ARFGAP2: variants seen among roughly 807,000 people sequenced by gnomAD.
The protein encoded by ARFGAP2 is ADP-ribosylation factor GTPase-activating protein 2.
A neutral mutation model predicts 71.9 loss-of-function variants in ARFGAP2; 45 were observed. That is an observed-to-expected ratio of 0.63 (90% confidence interval 0.49 to 0.80). The LOEUF (loss-of-function observed/expected upper bound fraction) is 0.80. Ranked by LOEUF, ARFGAP2 falls within the 30% of genes least tolerant of loss-of-function variation. The pLI, the probability that ARFGAP2 is intolerant of heterozygous loss-of-function variation, is 0.00. For missense variants in ARFGAP2, 633 were observed against 673.9 expected, an observed-to-expected ratio of 0.94 and a Z score of 0.67; for synonymous variants, 248 against 249.2, an observed-to-expected ratio of 1.00 and a Z score of 0.05.
At chr11:47,168,613 C>T (rs978046001) in intron 10 of ARFGAP2, 3 of 193,506 alleles carry the variant, frequency 1.6e-5, no homozygotes, top group Admixed American at 1.1e-4. Context: ...CACCACCTCC[C>T]AGGTTCAAGC....
rs2135415259 is a variant in ARFGAP2, at chr11:47,164,774, T to C, written c.*708A>G. On this transcript the variant is annotated 3_prime_UTR_variant, in exon 16 of 16. Coordinates refer to ENST00000524782, the MANE Select transcript of ARFGAP2 (RefSeq NM_032389.6). The stretch of plus-strand genomic sequence containing the variant: ...AGAGGGTCCTGCATTCCACAGCAGA[T>C]GGTACAGAGGGACCCTGAGACACCC... The C allele has an allele frequency of 6.5e-6, 1 of 153,378 alleles. No individual in the cohort carries two copies. The highest frequency in any genetic ancestry group is 6.5e-5 in the Admixed American group (1 of 15,404). 9.5% of individuals were successfully genotyped at this position (153,378 alleles called of 1,614,324 possible).
chr11:47,167,392 C>T (rs1038296012), intron 12 of ARFGAP2, among the ~76,000 whole-genome samples: 10 of 152,262 alleles, frequency 6.6e-5, no homozygotes, highest in South Asian at 2.1e-4. Context: ...TCCGGAGACC[C>T]TATGAAGTAG....
chr11:47,172,789 A>AC, intron 7 of ARFGAP2: 1 of 1,290,586 alleles, frequency 7.7e-7, no homozygotes, highest in Non-Finnish European at 1.0e-6. Context: ...CAAGAGGCCC[A>AC]CCCCAGAGCC....
At position 47,172,735 on chromosome 11, in the gene ARFGAP2, T is replaced by C. The variant is rs76966935; in HGVS notation, c.620-402A>G. 0.01 allele frequency: 13,061 copies of C among 1,295,768 alleles called. 1,211 individuals carry two copies. In the Admixed American group the frequency reaches 0.19, roughly 18 times the overall value. The allele number at this position is 1,295,768 out of a possible 1,614,324, so 80.3% of individuals were successfully genotyped here. On this transcript the variant is annotated intron_variant, in intron 7 of 15. Transcript: ENST00000524782. ...CTCTGGCAGGAAGGGCCCCTTTAGC[T>C]GACAGATACACGGACTCTGGAGGAG... is the stretch of plus-strand genomic sequence containing the variant.
rs557366591 is a variant in ARFGAP2 at position 47,168,176 on chromosome 11, G to A, written c.1017C>T (p.Arg339=). The part of the protein sequence containing the change: ...QETPVSAKSS[R]SQLDLFDDVG... ...CATCGTCAAACAAGTCCAGCTGCGAGCGAGAGGATTTTGCACTCACTGGGG... is the reference window on the plus strand; with the variant it reads ...CATCGTCAAACAAGTCCAGCTGCGAACGAGAGGATTTTGCACTCACTGGGG... Residue 339 remains arginine (R), a synonymous_variant, in exon 11 of 16, where the codon CGC becomes CGT. Transcript: ENST00000524782. 5 of 1,614,234 alleles carry A rather than the reference G, an allele frequency of 3.1e-6. No individual in the cohort carries two copies. In the African/African-American group the frequency reaches 4.0e-5, roughly 13 times the overall value.
chr11:47,172,179 T>C, intron 8 of ARFGAP2, 102 bp downstream of exon 8: 1 of 1,201,936 alleles, frequency 8.3e-7, no homozygotes, highest in Non-Finnish European at 1.2e-6. Context: ...ACAGTACCTT[T>C]GCCAAAGTCA....
At position 47,171,485 on chromosome 11, in the gene ARFGAP2, A is replaced by G; in HGVS notation, c.882T>C (p.Asn294=). The change falls in exon 10 of 16, where the codon AAT becomes AAC. Residue 294 remains asparagine, a synonymous_variant. Coordinates refer to ENST00000524782, the MANE Select transcript of ARFGAP2 (RefSeq NM_032389.6). ...CCTGCTCTCGCTTCTTCCCTTCCAG[A>G]TTCTGTAGCTTCTTTTCCTCTTTCT... The part of the protein sequence containing the change: ...DRKKEEKKLQ[N]LEGKKREQAE... The G allele has an allele frequency of 6.2e-7, 1 of 1,614,102 alleles. No individual in the cohort carries two copies. The highest frequency in any genetic ancestry group is 8.5e-7 in the Non-Finnish European group (1 of 1,180,008).
chr11:47,176,009 C>A, intron 2 of ARFGAP2, 86 bp from the exon 3 acceptor site: 1 of 1,351,218 alleles, frequency 7.4e-7, no homozygotes, highest in Non-Finnish European at 1.0e-6. Flanking sequence ...TGGCCTCAGG[C>A]TGCTGTAGGC....
chr11:47,174,839 A>G lies in ARFGAP2; in HGVS notation c.480+176T>C, dbSNP rs1952735635. The G allele has an allele frequency of 6.1e-5, 43 of 701,202 alleles. 1 individual carries two copies. The South Asian group carries it at 7.5e-4, about 12-fold the overall frequency. The allele number at this position is 701,202 out of a possible 1,614,324, so 43.4% of individuals were successfully genotyped here. On this transcript the variant is annotated intron_variant, in intron 5 of 15. Coordinates refer to ENST00000524782, the MANE Select transcript of ARFGAP2 (RefSeq NM_032389.6). ...CTAAGGAGGGCTACACTGCACCTCCATTTATGGAGGAGGAAACACCTAGGC... is the reference window on the plus strand; with the variant it reads ...CTAAGGAGGGCTACACTGCACCTCCGTTTATGGAGGAGGAAACACCTAGGC...
intron 1 of ARFGAP2, 58 bp from the exon 2 acceptor site, chr11:47,176,692 G>A (rs1952844935): frequency 1.2e-6 from 2 of 1,610,132 alleles, no homozygotes. Flanking sequence ...GCCAGGCACC[G>A]ACACCCCAGA....
At chr11:47,172,161 G>T in intron 8 of ARFGAP2, 120 bp downstream of exon 8, 2 of 1,033,956 alleles carry the variant, frequency 1.9e-6, no homozygotes, top group Non-Finnish European at 2.9e-6. Flanking sequence ...GGCGAGGTTC[G>T]GAGAAACACA....
chr11:47,171,834 T>A, intron 8 of ARFGAP2, 34 bp from the exon 9 acceptor site: 1 of 1,609,992 alleles, frequency 6.2e-7, no homozygotes. Flanking sequence ...GCCTTCCCAA[T>A]CACACTCTCC....
In ARFGAP2 at chr11:47,171,406, C is replaced by T; in HGVS notation, c.941+20G>A. The stretch of plus-strand genomic sequence containing the variant: ...AGAAAACAACGGCATTTCCCTGCCA[C>T]ACCCGGAGCTGAGCCTCACCTTCGG... On this transcript the variant is annotated intron_variant, in intron 10 of 15. Transcript: ENST00000524782. The T allele has an allele frequency of 6.2e-7, 1 of 1,613,102 alleles. No homozygotes were observed. The highest frequency in any genetic ancestry group is 1.3e-5 in the African/African-American group (1 of 75,008).
intron 13 of ARFGAP2, 65 bp downstream of exon 13, chr11:47,166,695 C>T (rs943984302): frequency 2.3e-5 from 36 of 1,598,772 alleles, no homozygotes; most frequent in Middle Eastern, 1.7e-4. Context: ...CCCAAAGCAG[C>T]GGCAGGGAGA....
At chr11:47,167,783 A>C in intron 12 of ARFGAP2, 126 bp downstream of exon 12, 2 of 1,255,786 alleles carry the variant, frequency 1.6e-6, no homozygotes, top group Non-Finnish European at 2.1e-6. Flanking sequence ...CTACCATATT[A>C]AACAACACAG....
intron 7 of ARFGAP2, chr11:47,172,885 G>A: frequency 2.4e-6 from 2 of 846,822 alleles, no homozygotes; most frequent in Middle Eastern, 2.9e-4. Flanking sequence ...CAGTCTGACA[G>A]TCACTCTGCT....
rs753598298 is a variant in ARFGAP2 at position 47,167,921 on chromosome 11, G to A, written c.1193C>T (p.Pro398Leu). ...CAGCCCACTCTACCTTTCTGAAATA[G>A]GCCGGATGCTTGAGATGGTCACTTC... is the stretch of plus-strand genomic sequence containing the variant. ...EPEVTISSIR[P>L]ISERATNRRE... Residue 398 changes from proline (P) to leucine (L), a missense_variant, in exon 12 of 16, where the codon CCT becomes CTT. By Grantham distance (98) the Pro-to-Leu change is moderately conservative. Coordinates refer to ENST00000524782, the MANE Select transcript of ARFGAP2 (RefSeq NM_032389.6). 117 of 1,610,180 alleles carry A rather than the reference G, an allele frequency of 7.3e-5. 3 individuals carry two copies. In the South Asian group the frequency reaches 1.2e-3, roughly 17 times the overall value.
chr11:47,165,881 T>C (rs1347961159), intron 15 of ARFGAP2, among the ~76,000 whole-genome samples: 37 of 151,850 alleles, frequency 2.4e-4, no homozygotes, highest in Admixed American at 2.4e-3. Context: ...GTTTGTGGTT[T>C]TTTTTTTGAG....
In ARFGAP2 at chr11:47,174,938, A is replaced by G. The variant is rs1415784289; in HGVS notation, c.480+77T>C. The G allele has an allele frequency of 2.0e-6, 3 of 1,470,064 alleles. No individual in the cohort carries two copies. The African/African-American group carries it at 4.2e-5, about 21-fold the overall frequency. The allele number at this position is 1,470,064 out of a possible 1,614,324, so 91.1% of individuals were successfully genotyped here. A position where few individuals can be genotyped will look rare whatever the true frequency, so the allele number is the denominator to read the frequency against. On this transcript the variant is annotated intron_variant, in intron 5 of 15. Coordinates refer to ENST00000524782, the MANE Select transcript of ARFGAP2 (RefSeq NM_032389.6). ...ATCAAAGCAAATGGAATCTACAACC[A>G]TGATCACAGAAGGCCTGGGCCTTGG...
Sources: gnomAD v4.1 joint callset for allele counts (sites outside exome capture counted in the v4.1 genomes callset) on GRCh38, gnomAD v4.1.1 for gene constraint, MANE v1.5 for transcripts, NCBI Gene and HGNC (gene_info 2026-07-23, HGNC 2026-07-21) for gene names.